Variants in ZDHHC14 observed in about 807,000 individuals in gnomAD.
ZDHHC14 encodes palmitoyltransferase ZDHHC14.
ZDHHC14 carries 16 observed loss-of-function variants against 47.7 expected under a neutral mutation model. The observed-to-expected ratio is 0.34, with a 90% confidence interval of 0.23 to 0.51. The LOEUF (loss-of-function observed/expected upper bound fraction) is 0.51. Ranked by LOEUF, ZDHHC14 falls within the 20% of genes least tolerant of loss-of-function variation. The pLI is 0.97. For synonymous variants in ZDHHC14, 293 were observed against 278.9 expected, an observed-to-expected ratio of 1.05 and a Z score of -0.50; for missense variants, 515 against 662.5, an observed-to-expected ratio of 0.78 and a Z score of 2.44.
chr6:157,569,719 G>A (rs1326012589), intron 2 of ZDHHC14, among the ~76,000 whole-genome samples: 2 of 151,782 alleles, frequency 1.3e-5, no homozygotes, highest in Non-Finnish European at 2.9e-5. Context: ...GTCTCTCTGT[G>A]GTTTTCAAAA....
Position 157,677,119 on chromosome 6 carries a change from C to T in ZDHHC14, c.*3997C>T, listed in dbSNP as rs1778982351. 1 of 151,988 alleles carries T rather than the reference C, an allele frequency of 6.6e-6. No homozygotes were observed. The highest frequency in any genetic ancestry group is 2.1e-4 in the South Asian group (1 of 4,812). 9.4% of individuals were successfully genotyped at this position (151,988 alleles called of 1,614,324 possible). A position where few individuals can be genotyped will look rare whatever the true frequency, so the allele number is the denominator to read the frequency against. On this transcript the variant is annotated 3_prime_UTR_variant, in exon 9 of 9. Transcript: ENST00000359775. ...TCAAGTACACATGAGCTGTGGGAGTCTAGCATATTCTTGTCCAAAAGAGAG... is the reference window on the plus strand; with the variant it reads ...TCAAGTACACATGAGCTGTGGGAGTTTAGCATATTCTTGTCCAAAAGAGAG...
At chr6:157,483,411 C>T (rs767328777) in intron 1 of ZDHHC14, among the ~76,000 whole-genome samples, 8 of 152,100 alleles carry the variant, frequency 5.3e-5, no homozygotes, top group African/African-American at 7.2e-5. Context: ...ATTATTTGTC[C>T]GTGAGGCTCA....
chr6:157,391,031 G>A (rs1378462074), intron 1 of ZDHHC14, among the ~76,000 whole-genome samples: 2 of 152,150 alleles, frequency 1.3e-5, no homozygotes, highest in African/African-American at 4.8e-5. Context: ...AATCTAGTTT[G>A]TAATGGAAAC....
intron 1 of ZDHHC14, among the ~76,000 whole-genome samples, chr6:157,493,220 A>G (rs1321350457): frequency 2.0e-5 from 3 of 152,210 alleles, no homozygotes; most frequent in African/African-American, 7.2e-5. Flanking sequence ...GGGCGCAGGA[A>G]GAGAGGAGTC....
At chr6:157,494,771 G>A (rs733206) in intron 1 of ZDHHC14, among the ~76,000 whole-genome samples, 30,394 of 152,004 alleles carry the variant, frequency 0.2, 3,700 homozygotes, top group African/African-American at 0.33. Context: ...GCATTTTATG[G>A]GCTCTAAGGT....
chr6:157,537,422 T>C (rs184957480), intron 1 of ZDHHC14, among the ~76,000 whole-genome samples: 3 of 152,372 alleles, frequency 2.0e-5, no homozygotes, highest in Non-Finnish European at 2.9e-5. Context: ...ATATCCAAAA[T>C]CAAACAGCTC....
intron 3 of ZDHHC14, among the ~76,000 whole-genome samples, chr6:157,612,726 G>A (rs1458622996): frequency 6.6e-6 from 1 of 152,084 alleles, no homozygotes; most frequent in Admixed American, 6.6e-5. Flanking sequence ...TGACTGGCAT[G>A]CAGCTGCTCA....
Position 157,628,418 on chromosome 6 carries a change from T to C in ZDHHC14, c.635T>C (p.Met212Thr). The change falls in exon 4 of 9, where the codon ATG (methionine) becomes ACG (threonine). Residue 212 changes from methionine (M) to threonine (T), a missense_variant. By Grantham distance (81) the Met-to-Thr change is moderately conservative. This residue lies in a region of ZDHHC14 where 229 missense variants were observed against 351.5 expected (regional missense o/e 0.65). Coordinates refer to ENST00000359775, the MANE Select transcript of ZDHHC14 (RefSeq NM_024630.3). ...VGKRNYRFFY[M>T]FILSLSFLTV... ...AAAAGAAACTACAGATTTTTTTATA[T>C]GTTTATTTTATCTCTGTCTTTTCTG... 6.2e-7 allele frequency: 1 copy of C among 1,613,656 alleles called. No homozygotes were observed. The highest frequency in any genetic ancestry group is 8.5e-7 in the Non-Finnish European group (1 of 1,179,886).
intron 1 of ZDHHC14, among the ~76,000 whole-genome samples, chr6:157,407,530 T>TA (rs1221243916): frequency 1.3e-5 from 2 of 152,102 alleles, no homozygotes; most frequent in East Asian, 3.8e-4. Context: ...CATTAGCAAA[T>TA]AAAAGTCCCC....
At chr6:157,641,075 T>TA (rs1171607828) in intron 5 of ZDHHC14, among the ~76,000 whole-genome samples, 4 of 152,242 alleles carry the variant, frequency 2.6e-5, no homozygotes, top group Non-Finnish European at 5.9e-5. Context: ...TCCATGATGA[T>TA]ACATAGATCT....
chr6:157,463,817 G>A lies in ZDHHC14; in HGVS notation c.246-78768G>A, dbSNP rs1351542441. Reference sequence around the variant, plus strand: ...AGGCAGGCGGATGACCTGAGGTCAGGAGTTCGAGACCAGCCTGGCCAATGT... The same window carrying A: ...AGGCAGGCGGATGACCTGAGGTCAGAAGTTCGAGACCAGCCTGGCCAATGT... On this transcript the variant is annotated intron_variant, in intron 1 of 8. Transcript: ENST00000359775. The surrounding 1 kb of genome is among the most constrained non-coding windows in gnomAD (Gnocchi z 4.4). 1.3e-5 allele frequency among the ~76,000 whole-genome samples: 2 copies of A among 152,156 alleles called. No homozygotes were observed. Among genetic ancestry groups the A allele is most frequent in the Admixed American group, 6.5e-5 (1 of 15,276 alleles).
chr6:157,465,125 T>TC (rs1464113627), intron 1 of ZDHHC14, among the ~76,000 whole-genome samples: 2 of 149,664 alleles, frequency 1.3e-5, no homozygotes, highest in Non-Finnish European at 3.0e-5. Flanking sequence ...TTTTTTTTTT[T>TC]TTTACATTTT....
At chr6:157,611,257 C>T (rs1329953353) in intron 3 of ZDHHC14, among the ~76,000 whole-genome samples, 1 of 152,170 alleles carries the variant, frequency 6.6e-6, no homozygotes, top group Non-Finnish European at 1.5e-5. Context: ...ACCTCGGCCT[C>T]CCAAAGTGCT....
At chr6:157,467,083 C>T (rs1779236676) in intron 1 of ZDHHC14, among the ~76,000 whole-genome samples, 1 of 152,106 alleles carries the variant, frequency 6.6e-6, no homozygotes, top group Non-Finnish European at 1.5e-5. Context: ...AATTTGGAAA[C>T]ACCATCCGAG....
At position 157,678,073 on chromosome 6, in the gene ZDHHC14, A is replaced by G. The variant is rs1240644996; in HGVS notation, c.*4951A>G. ...TTAAGTGCCTTTCATGTTTTAATCA[A>G]TGTTTGCAGAATTTATCTTAAACCT... is the stretch of plus-strand genomic sequence containing the variant. On this transcript the variant is annotated 3_prime_UTR_variant, in exon 9 of 9. Transcript: ENST00000359775. 6.6e-6 allele frequency: 1 copy of G among 152,220 alleles called. No individual in the cohort carries two copies. Among genetic ancestry groups the G allele is most frequent in the East Asian group, 1.9e-4 (1 of 5,206 alleles). The allele number at this position is 152,220 out of a possible 1,614,324, so 9.4% of individuals were successfully genotyped here. A position where few individuals can be genotyped will look rare whatever the true frequency, so the allele number is the denominator to read the frequency against.
At chr6:157,580,118 A>G (rs1783459669) in intron 2 of ZDHHC14, among the ~76,000 whole-genome samples, 1 of 152,170 alleles carries the variant, frequency 6.6e-6, no homozygotes, top group South Asian at 2.1e-4. Context: ...TTTTATTCAC[A>G]TCTCTTTTAT....
intron 1 of ZDHHC14, among the ~76,000 whole-genome samples, chr6:157,393,811 T>A (rs189098253): frequency 7.2e-4 from 109 of 152,350 alleles, no homozygotes; most frequent in Non-Finnish European, 1.2e-3. Flanking sequence ...CTTGTATCTC[T>A]TCTTTCTTTC....
intron 2 of ZDHHC14, among the ~76,000 whole-genome samples, chr6:157,580,536 T>C (rs926407612): frequency 1.3e-5 from 2 of 152,190 alleles, no homozygotes; most frequent in African/African-American, 4.8e-5. Flanking sequence ...TCTTGGTTAG[T>C]AAGCTTTTTA....
intron 7 of ZDHHC14, among the ~76,000 whole-genome samples, chr6:157,651,026 C>T (rs1014100970): frequency 6.6e-6 from 1 of 152,212 alleles, no homozygotes; most frequent in Non-Finnish European, 1.5e-5. Flanking sequence ...GGTGGGCCCG[C>T]GGCCATGAGC....
Sources: gnomAD v4.1 joint callset for allele counts (sites outside exome capture counted in the v4.1 genomes callset) on GRCh38, gnomAD v4.1.1 for gene constraint, gnomAD v4.1.1 regional missense constraint, Gnocchi (gnomAD v3.1) non-coding constraint, MANE v1.5 for transcripts, NCBI Gene and HGNC (gene_info 2026-07-23, HGNC 2026-07-21) for gene names.